The following KCNAB1 variants were observed in gnomAD, a reference collection of about 807,000 sequenced individuals.
KCNAB1 encodes the protein voltage-gated potassium channel subunit beta-1.
In KCNAB1, 35 loss-of-function variants were observed where a neutral mutation model predicts 64.6. The observed-to-expected ratio is 0.54, with a 90% CI of 0.41 to 0.72. The LOEUF (loss-of-function observed/expected upper bound fraction) is 0.72. KCNAB1 is among the 30% of genes least tolerant of loss of function. The pLI is 0.00. For missense variants in KCNAB1, 401 were observed against 512.9 expected (o/e 0.78, Z 2.11); for synonymous variants, 177 against 183.8 (o/e 0.96, Z 0.30).
intron 1 of KCNAB1, among the ~76,000 whole-genome samples, chr3:156,283,345 T>C (rs1719865250): frequency 6.6e-6 from 1 of 151,296 alleles, no homozygotes; most frequent in South Asian, 2.1e-4. Flanking sequence ...GCTGTTAGTC[T>C]GATGGGCTTC....
intron 1 of KCNAB1, among the ~76,000 whole-genome samples, chr3:156,418,557 G>A (rs1311166593): frequency 1.3e-5 from 2 of 152,180 alleles, no homozygotes; most frequent in African/African-American, 2.4e-5. Flanking sequence ...GGATGCAGAC[G>A]TGCCATTTGG....
chr3:156,260,034 AC>A (rs1262535649), intron 1 of KCNAB1, among the ~76,000 whole-genome samples: 5 of 152,154 alleles, frequency 3.3e-5, no homozygotes, highest in Non-Finnish European at 7.4e-5. Context: ...GGATACTCAG[AC>A]TTTTCTCAAG....
intron 5 of KCNAB1, among the ~76,000 whole-genome samples, chr3:156,462,952 G>A (rs1467207502): frequency 1.3e-5 from 2 of 152,128 alleles, no homozygotes; most frequent in African/African-American, 4.8e-5. Context: ...GCTTTCAGAA[G>A]GTAATAAGTT....
At chr3:156,163,883 C>T (rs1192843878) in intron 1 of KCNAB1, among the ~76,000 whole-genome samples, 1 of 152,194 alleles carries the variant, frequency 6.6e-6, no homozygotes, top group Non-Finnish European at 1.5e-5. Context: ...GATGCCATGG[C>T]ATGAAGTTTC....
chr3:156,145,558 A>G (rs1266720256), intron 1 of KCNAB1, among the ~76,000 whole-genome samples: 1 of 152,018 alleles, frequency 6.6e-6, no homozygotes, highest in East Asian at 1.9e-4. Context: ...CTTTATTATG[A>G]TTTTTCCCCC....
intron 1 of KCNAB1, among the ~76,000 whole-genome samples, chr3:156,264,540 C>T (rs988570746): frequency 6.6e-6 from 1 of 151,820 alleles, no homozygotes; most frequent in African/African-American, 2.4e-5. Context: ...GAGTTATTTT[C>T]TTAGTGATAT....
intron 1 of KCNAB1, among the ~76,000 whole-genome samples, chr3:156,252,458 A>G (rs1470188147): frequency 2.0e-5 from 3 of 152,318 alleles, no homozygotes; most frequent in South Asian, 4.2e-4. Context: ...GGAGAAAGGC[A>G]CAGCTAATGG....
Position 156,143,787 on chromosome 3 carries a change from A to AT in KCNAB1, c.275+22912dup, listed in dbSNP as rs1015580220. Among the ~76,000 whole-genome samples, 1,452 of 145,638 alleles carry AT rather than the reference A, an allele frequency of 1.0e-2. 29 individuals carry two copies. Among genetic ancestry groups the AT allele is most frequent in the African/African-American group, 0.032 (1,271 of 39,958 alleles). On this transcript the variant is annotated intron_variant, in intron 1 of 13. Coordinates refer to ENST00000490337, the MANE Select transcript of KCNAB1 (RefSeq NM_172160.3). Reference sequence around the variant, plus strand: ...AGAGAATTTATAAGTTAAGAGTAGAATTTTTTTTTTTAATGCTGCCTGGGA... The same window carrying AT: ...AGAGAATTTATAAGTTAAGAGTAGAATTTTTTTTTTTTAATGCTGCCTGGGA...
chr3:156,460,039 T>C (rs2272114), intron 5 of KCNAB1, 168 bp downstream of exon 5: 288,632 of 533,234 alleles, frequency 0.54, 80,707 homozygotes, highest in African/African-American at 0.8. Flanking sequence ...AGTTCACTTC[T>C]GGAGCTTCAA....
intron 1 of KCNAB1, chr3:156,273,528 GCTGCACTCTCC>G (rs779230401): frequency 2.9e-4 from 130 of 454,326 alleles, no homozygotes; most frequent in Non-Finnish European, 4.2e-4. Context: ...TTTTACAATT[GCTGCACTCTCC>G]CTCCCCTAAG....
At chr3:156,388,823 C>G (rs1034354893) in intron 1 of KCNAB1, among the ~76,000 whole-genome samples, 1 of 152,222 alleles carries the variant, frequency 6.6e-6, no homozygotes, top group Non-Finnish European at 1.5e-5. Context: ...AAGCCCACAA[C>G]AGTTGAGGGC....
At chr3:156,148,495 A>T (rs1218521851) in intron 1 of KCNAB1, among the ~76,000 whole-genome samples, 3 of 152,230 alleles carry the variant, frequency 2.0e-5, no homozygotes, top group African/African-American at 7.2e-5. Context: ...CTCTAGCCCC[A>T]TCTTTTCTCC....
chr3:156,253,331 C>T (rs1717936165), intron 1 of KCNAB1, among the ~76,000 whole-genome samples: 1 of 152,216 alleles, frequency 6.6e-6, no homozygotes, highest in Admixed American at 6.5e-5. Context: ...GAAACAAAGG[C>T]TTTCACATCC....
intron 1 of KCNAB1, among the ~76,000 whole-genome samples, chr3:156,309,687 A>G (rs1345558003): frequency 6.6e-6 from 1 of 152,244 alleles, no homozygotes; most frequent in Non-Finnish European, 1.5e-5. Context: ...ACCAGCTCAC[A>G]CAATCTTTGT....
In KCNAB1 at chr3:156,175,910, C is replaced by T. The variant is rs75644068; in HGVS notation, c.275+55024C>T. The T allele has an allele frequency of 3.3e-3, 2,709 of 829,376 alleles. 54 individuals carry two copies. The African/African-American group carries it at 0.04, about 12-fold the overall frequency. The allele number at this position is 829,376 out of a possible 1,614,324, so 51.4% of individuals were successfully genotyped here. A position where few individuals can be genotyped will look rare whatever the true frequency, so the allele number is the denominator to read the frequency against. ...GATGCTGAGATAATGAAGGGCTAGT[C>T]AGGGTGGAAAGCAACTTCATTGATG... On this transcript the variant is annotated intron_variant, in intron 1 of 13. Coordinates refer to ENST00000490337, the MANE Select transcript of KCNAB1 (RefSeq NM_172160.3).
At chr3:156,376,978 C>CA (rs568679679) in intron 1 of KCNAB1, among the ~76,000 whole-genome samples, 26 of 148,576 alleles carry the variant, frequency 1.7e-4, no homozygotes, top group South Asian at 8.5e-4. Context: ...TGTCAAACAG[C>CA]AAAAAAAAAG....
intron 1 of KCNAB1, among the ~76,000 whole-genome samples, chr3:156,161,671 TG>T (rs777268722): frequency 6.6e-6 from 1 of 152,230 alleles, no homozygotes; most frequent in Non-Finnish European, 1.5e-5. Flanking sequence ...TACCCACATA[TG>T]GGTTTCTGCA....
At chr3:156,188,077 C>G (rs898900759) in intron 1 of KCNAB1, among the ~76,000 whole-genome samples, 1 of 152,122 alleles carries the variant, frequency 6.6e-6, no homozygotes, top group Non-Finnish European at 1.5e-5. Context: ...ACACATTGTT[C>G]CCTCAGAGAG....
Position 156,279,803 on chromosome 3 carries a change from C to T in KCNAB1, c.276-141813C>T, listed in dbSNP as rs1025460747. Among the ~76,000 whole-genome samples, 1,099 of 151,892 alleles carry T rather than the reference C, an allele frequency of 7.2e-3. 18 individuals are homozygous for T. The highest frequency in any genetic ancestry group is 0.025 in the African/African-American group (1,042 of 41,302). ...TCTGTTCATATCCTTTGCCCACTTT[C>T]TGATGGGGTTGTTTGTTTTTTTCTT... On this transcript the variant is annotated intron_variant, in intron 1 of 13. Transcript: ENST00000490337.
Sources: allele counts gnomAD v4.1 joint callset (sites outside exome capture counted in the v4.1 genomes callset), GRCh38; gene constraint gnomAD v4.1.1; transcripts MANE v1.5; gene names NCBI Gene and HGNC (gene_info 2026-07-23, HGNC 2026-07-21).